Variants in CAPRIN1 observed in about 807,000 individuals in gnomAD.
The protein encoded by CAPRIN1 is cell cycle associated protein 1, also known as caprin-1.
In CAPRIN1, 29 loss-of-function variants were observed where a neutral mutation model predicts 100.9. The observed-to-expected ratio is 0.29, with a 90% CI of 0.21 to 0.39. The LOEUF (loss-of-function observed/expected upper bound fraction) is 0.39, where lower values mean the gene tolerates loss of function less well. Ranked by LOEUF, CAPRIN1 falls within the 10% of genes least tolerant of loss-of-function variation. The pLI is 1.00. For missense variants in CAPRIN1, 795 were observed against 876.7 expected (o/e 0.91, Z 1.18); for synonymous variants, 338 against 307.5 (o/e 1.10, Z -1.04).
At chr11:34,093,430 C>G (rs981743354) in intron 15 of CAPRIN1, among the ~76,000 whole-genome samples, 1 of 152,004 alleles carries the variant, frequency 6.6e-6, no homozygotes, top group Non-Finnish European at 1.5e-5. Context: ...TTCTTTAATT[C>G]CTCAGAATTT....
intron 1 of CAPRIN1, 101 bp downstream of exon 1, chr11:34,051,972 C>G (rs1287075849): frequency 6.6e-6 from 1 of 152,140 alleles, no homozygotes; most frequent in East Asian, 2.0e-4. Flanking sequence ...GGGCTTGCCC[C>G]CAAGTCCCCC....
At chr11:34,078,419 G>C (rs1004287475) in intron 6 of CAPRIN1, among the ~76,000 whole-genome samples, 1 of 152,008 alleles carries the variant, frequency 6.6e-6, no homozygotes, top group Non-Finnish European at 1.5e-5. Flanking sequence ...CTCCCCCTCT[G>C]CCCTGCACTT....
chr11:34,065,334 T>G (rs1187769980), intron 2 of CAPRIN1, among the ~76,000 whole-genome samples: 1 of 152,246 alleles, frequency 6.6e-6, no homozygotes, highest in Non-Finnish European at 1.5e-5. Context: ...CAGGTTCTAC[T>G]GGGCTATTAC....
chr11:34,094,559 C>G (rs1851328939), intron 15 of CAPRIN1, among the ~76,000 whole-genome samples: 1 of 151,976 alleles, frequency 6.6e-6, no homozygotes, highest in Non-Finnish European at 1.5e-5. Flanking sequence ...GCCTGTAATC[C>G]CAGCTCTTTG....
intron 2 of CAPRIN1, among the ~76,000 whole-genome samples, chr11:34,061,475 T>TGA (rs1356509558): frequency 6.6e-6 from 1 of 152,008 alleles, no homozygotes; most frequent in Non-Finnish European, 1.5e-5. Context: ...CCCAAAGTGT[T>TGA]GAGATTACAG....
chr11:34,069,080 T>C (rs543618970), intron 2 of CAPRIN1, among the ~76,000 whole-genome samples: 2 of 152,264 alleles, frequency 1.3e-5, no homozygotes, highest in South Asian at 4.1e-4. Flanking sequence ...TGTATATTTT[T>C]AAATAGAGGA....
Position 34,079,664 on chromosome 11 carries a change from A to G in CAPRIN1, c.725A>G (p.Gln242Arg), listed in dbSNP as rs751411702. The G allele has an allele frequency of 1.2e-5, 19 of 1,613,776 alleles. No homozygotes were observed. Among genetic ancestry groups the G allele is most frequent in the Non-Finnish European group, 1.5e-5 (18 of 1,179,826 alleles). ...AAGGAAATTGTTGAGCGTGTTTTTCAGTCAAACTACTTTGACAGCACCCAC... is the reference window on the plus strand; with the variant it reads ...AAGGAAATTGTTGAGCGTGTTTTTCGGTCAAACTACTTTGACAGCACCCAC... ...VLKEIVERVF[Q>R]SNYFDSTHNH... is the part of the protein sequence containing the mutation. Residue 242 changes from glutamine (Q) to arginine (R), a missense_variant, in exon 7 of 19, where the codon CAG becomes CGG. Around this residue, in one of 3 missense-constraint regions of CAPRIN1, gnomAD observed 648 missense variants for 697.9 expected, o/e 0.93. Coordinates refer to ENST00000341394, the MANE Select transcript of CAPRIN1 (RefSeq NM_005898.5).
rs550441998 is a variant in CAPRIN1 at position 34,088,776 on chromosome 11, A to T, written c.1232-619A>T. 1.1e-4 allele frequency among the ~76,000 whole-genome samples: 17 copies of T among 152,288 alleles called. No homozygotes were observed. The South Asian group carries it at 3.5e-3, about 32-fold the overall frequency. On this transcript the variant is annotated intron_variant, in intron 11 of 18. Transcript: ENST00000341394. The stretch of plus-strand genomic sequence containing the variant: ...TTAAAAGTCTTTTTTCATGGCACTG[A>T]TTATTTGTTAGTGCATTCTATTAAC...
At chr11:34,073,372 A>G (rs1317846130) in intron 4 of CAPRIN1, among the ~76,000 whole-genome samples, 1 of 152,212 alleles carries the variant, frequency 6.6e-6, no homozygotes, top group Non-Finnish European at 1.5e-5. Flanking sequence ...CTAATCTGTA[A>G]AGTGGTAATA....
chr11:34,086,122 A>G lies in CAPRIN1; in HGVS notation c.1025A>G (p.His342Arg). The G allele has an allele frequency of 6.2e-7, 1 of 1,613,726 alleles. No homozygotes were observed. The change falls in exon 10 of 19, where the codon CAC (histidine) becomes CGC (arginine). Residue 342 changes from histidine to arginine, a missense_variant. Physicochemically the swap from His to Arg is conservative, Grantham distance 29 (BLOSUM62 0). Around this residue, in one of 3 missense-constraint regions of CAPRIN1, gnomAD observed 648 missense variants for 697.9 expected, o/e 0.93. Transcript: ENST00000341394. The part of the protein sequence containing the change: ...QAASPSVPEP[H>R]SLTPVAQADP... ...GCATCCCCTTCAGTACCAGAGCCCC[A>G]CTCTTTGACTCCAGTGGCTCAGGCA... is the stretch of plus-strand genomic sequence containing the variant.
intron 2 of CAPRIN1, among the ~76,000 whole-genome samples, chr11:34,064,400 A>G (rs1173080393): frequency 6.6e-6 from 1 of 152,208 alleles, no homozygotes; most frequent in African/African-American, 2.4e-5. Flanking sequence ...GGAAGTGACA[A>G]TAGGAATGAA....
In CAPRIN1 at chr11:34,090,606, G is replaced by A. The variant is rs1851244459; in HGVS notation, c.1482G>A (p.Gln494=). 1 of 1,614,134 alleles carries A rather than the reference G, an allele frequency of 6.2e-7. No individual in the cohort carries two copies. Among genetic ancestry groups the A allele is most frequent in the Non-Finnish European group, 8.5e-7 (1 of 1,180,012 alleles). ...CTGCGTCTCAGCCTCAAGTATTTCAGGCTGGGACAAGCAAACCTTTACATA... is the reference window on the plus strand; with the variant it reads ...CTGCGTCTCAGCCTCAAGTATTTCAAGCTGGGACAAGCAAACCTTTACATA... ...LPAASQPQVF[Q]AGTSKPLHSS... is the part of the protein sequence containing the mutation. The change falls in exon 14 of 19, where the codon CAG becomes CAA. Residue 494 remains glutamine, a synonymous_variant. Coordinates refer to ENST00000341394, the MANE Select transcript of CAPRIN1 (RefSeq NM_005898.5).
intron 9 of CAPRIN1, 131 bp downstream of exon 9, chr11:34,083,172 A>G (rs1404263904): frequency 3.1e-6 from 2 of 643,496 alleles, no homozygotes; most frequent in Non-Finnish European, 5.5e-6. Flanking sequence ...TCATTACACC[A>G]GACTGTTACT....
Position 34,076,421 on chromosome 11 carries a change from A to G in CAPRIN1, c.552A>G (p.Ser184=), listed in dbSNP as rs1850908661. The G allele has an allele frequency of 6.2e-7, 1 of 1,614,224 alleles. No homozygotes were observed. Among genetic ancestry groups the G allele is most frequent in the South Asian group, 1.1e-5 (1 of 91,092 alleles). ...GVPILSEEEL[S]LLDEFYKLVD... is the part of the protein sequence containing the mutation. ...CAATATTGTCCGAAGAGGAGTTGTC[A>G]TTGTTGGATGAATTCTATAAGCTAG... Residue 184 remains serine (S), a synonymous_variant, in exon 5 of 19, where the codon TCA becomes TCG. Coordinates refer to ENST00000341394, the MANE Select transcript of CAPRIN1 (RefSeq NM_005898.5).
In CAPRIN1 at chr11:34,079,608, A is replaced by C. The variant is rs761162427; in HGVS notation, c.689-20A>C. 4 of 1,608,028 alleles carry C rather than the reference A, an allele frequency of 2.5e-6. No individual in the cohort carries two copies. Among genetic ancestry groups the C allele is most frequent in the Non-Finnish European group, 3.4e-6 (4 of 1,175,066 alleles). On this transcript the variant is annotated intron_variant, in intron 6 of 18. Transcript: ENST00000341394. ...ATCCTCAGATAAGTCTTACATTATA[A>C]TTCATGTTCTTTTTCTTAGATAAAG... is the stretch of plus-strand genomic sequence containing the variant.
chr11:34,078,529 C>G (rs1162299660), intron 6 of CAPRIN1, among the ~76,000 whole-genome samples: 2 of 152,146 alleles, frequency 1.3e-5, no homozygotes, highest in East Asian at 3.8e-4. Context: ...ATACCTTTCT[C>G]TTGTCTGACG....
At chr11:34,053,661 A>G (rs1251395395) in intron 2 of CAPRIN1, 1 of 151,944 alleles carries the variant, frequency 6.6e-6, no homozygotes, top group East Asian at 1.9e-4. Flanking sequence ...CTTGTAGATC[A>G]AACTACTGAG....
At chr11:34,076,202 A>G in intron 4 of CAPRIN1, 34 bp from the exon 5 acceptor site, 1 of 1,504,694 alleles carries the variant, frequency 6.6e-7, no homozygotes, top group Non-Finnish European at 9.2e-7. Context: ...TTATATAACT[A>G]ATTTTGGTGT....
chr11:34,059,735 T>C (rs1850535112), intron 2 of CAPRIN1, among the ~76,000 whole-genome samples: 1 of 152,204 alleles, frequency 6.6e-6, no homozygotes, highest in South Asian at 2.1e-4. Flanking sequence ...TTAAAATGGA[T>C]TAATCCATGG....
Sources: allele counts gnomAD v4.1 joint callset (sites outside exome capture counted in the v4.1 genomes callset), GRCh38; gene constraint gnomAD v4.1.1; regional missense constraint gnomAD v4.1.1; transcripts MANE v1.5; gene names NCBI Gene and HGNC (gene_info 2026-07-23, HGNC 2026-07-21).